GRIN3A: variants seen among roughly 807,000 people sequenced by gnomAD.
GRIN3A encodes the protein glutamate receptor ionotropic, NMDA 3A.
Under a neutral mutation model 92.4 loss-of-function variants are expected in GRIN3A, and 47 were observed. The ratio of observed to expected loss-of-function variants is 0.51; its 90% CI spans 0.40 to 0.65. GRIN3A has a LOEUF of 0.65. Among genes scored for constraint, GRIN3A ranks in the 30% least tolerant of loss-of-function variants. GRIN3A has a pLI of 0.00. For synonymous variants in GRIN3A, 527 were observed against 540.6 expected, an observed-to-expected ratio of 0.97 and a Z score of 0.35; for missense variants, 1,324 against 1,393.1, an observed-to-expected ratio of 0.95 and a Z score of 0.79.
intron 5 of GRIN3A, among the ~76,000 whole-genome samples, chr9:101,614,150 C>A (rs1170191690): frequency 6.6e-6 from 1 of 152,058 alleles, no homozygotes; most frequent in African/African-American, 2.4e-5. Context: ...TTATATATTG[C>A]TTGCTGTAAT....
At chr9:101,580,857 A>G (rs373040852) in intron 6 of GRIN3A, among the ~76,000 whole-genome samples, 4 of 152,210 alleles carry the variant, frequency 2.6e-5, no homozygotes, top group African/African-American at 4.8e-5. Flanking sequence ...ACTGCTATAT[A>G]CCAAAACAGC....
At chr9:101,609,438 A>G (rs1356997281) in intron 6 of GRIN3A, among the ~76,000 whole-genome samples, 2 of 152,210 alleles carry the variant, frequency 1.3e-5, no homozygotes, top group African/African-American at 4.8e-5. Flanking sequence ...CCATTCATAG[A>G]TGAGGAGACT....
In GRIN3A at chr9:101,666,697, C is replaced by A. The variant is rs565037269; in HGVS notation, c.2352+3363G>T. 5.3e-5 allele frequency among the ~76,000 whole-genome samples: 8 copies of A among 152,120 alleles called. 1 individual carries two copies. In the South Asian group the frequency reaches 6.2e-4, roughly 12 times the overall value. On this transcript the variant is annotated intron_variant, in intron 3 of 8. Transcript: ENST00000361820. ...TGAACTGACTACCATATTTTCTAGC[C>A]CGTGAACTGCTGTTTCTGTGCTTCC...
At chr9:101,736,223 C>G (rs1481205183) in intron 1 of GRIN3A, among the ~76,000 whole-genome samples, 1 of 152,180 alleles carries the variant, frequency 6.6e-6, no homozygotes, top group Admixed American at 6.5e-5. Flanking sequence ...GATCAAGTCC[C>G]CAGACTTTTC....
intron 3 of GRIN3A, among the ~76,000 whole-genome samples, chr9:101,644,290 T>C (rs1828904438): frequency 6.6e-6 from 1 of 151,894 alleles, no homozygotes; most frequent in Admixed American, 6.6e-5. Context: ...TTCTTAGAAT[T>C]ATAGAATGTT....
rs1242328719 is a variant in GRIN3A, at chr9:101,738,056, C to T, written c.-77G>A. On this transcript the variant is annotated 5_prime_UTR_variant, in exon 1 of 9. Coordinates refer to ENST00000361820, the MANE Select transcript of GRIN3A (RefSeq NM_133445.3). ...CTCTGCAGCCGCTGCCTGAGGTCTC[C>T]GCCTCCAGGTCCCGCGCGCAGCTTC... The T allele has an allele frequency of 3.2e-6, 4 of 1,246,172 alleles. No individual in the cohort carries two copies. Among genetic ancestry groups the T allele is most frequent in the African/African-American group, 3.0e-5 (2 of 67,482 alleles). 77.2% of individuals were successfully genotyped at this position (1,246,172 alleles called of 1,614,324 possible).
intron 1 of GRIN3A, among the ~76,000 whole-genome samples, chr9:101,707,356 T>C (rs999361953): frequency 6.6e-6 from 1 of 152,236 alleles, no homozygotes; most frequent in African/African-American, 2.4e-5. Flanking sequence ...GCTTAAATGA[T>C]AGAATCCAAA....
At chr9:101,677,882 C>A (rs1371219799) in intron 2 of GRIN3A, among the ~76,000 whole-genome samples, 1 of 152,106 alleles carries the variant, frequency 6.6e-6, no homozygotes, top group Non-Finnish European at 1.5e-5. Context: ...TCTTACTATC[C>A]TAAAGTAGAA....
At chr9:101,598,857 T>G (rs1588242702) in intron 6 of GRIN3A, among the ~76,000 whole-genome samples, 1 of 152,170 alleles carries the variant, frequency 6.6e-6, no homozygotes, top group African/African-American at 2.4e-5. Flanking sequence ...AGACCTTCCA[T>G]TGCAGACTTG....
At chr9:101,705,022 G>T (rs187347447) in intron 1 of GRIN3A, among the ~76,000 whole-genome samples, 206 of 152,136 alleles carry the variant, frequency 1.4e-3, no homozygotes, top group African/African-American at 4.6e-3. Flanking sequence ...AAGGAAGGGG[G>T]GGCAGGGAAA....
intron 1 of GRIN3A, among the ~76,000 whole-genome samples, chr9:101,704,532 T>A (rs1204680819): frequency 6.6e-6 from 1 of 152,232 alleles, no homozygotes; most frequent in Admixed American, 6.5e-5. Context: ...GAAACTATAC[T>A]TCGAATTTTG....
intron 6 of GRIN3A, among the ~76,000 whole-genome samples, chr9:101,580,271 C>T (rs1420662315): frequency 2.0e-5 from 3 of 152,086 alleles, no homozygotes; most frequent in Non-Finnish European, 4.4e-5. Flanking sequence ...CTGGCTGCAA[C>T]CCTTTATGAG....
chr9:101,586,652 T>G (rs1827954620), intron 6 of GRIN3A, among the ~76,000 whole-genome samples: 1 of 152,170 alleles, frequency 6.6e-6, no homozygotes, highest in Non-Finnish European at 1.5e-5. Flanking sequence ...GGAAACTGAA[T>G]GCAAAAATTT....
intron 1 of GRIN3A, among the ~76,000 whole-genome samples, chr9:101,709,887 CAG>C (rs1182772134): frequency 1.3e-5 from 2 of 152,278 alleles, no homozygotes; most frequent in Admixed American, 6.5e-5. Flanking sequence ...ATGAAAGACT[CAG>C]AGAATGATAG....
chr9:101,620,575 A>G (rs1274024621), intron 5 of GRIN3A, among the ~76,000 whole-genome samples: 1 of 150,642 alleles, frequency 6.6e-6, no homozygotes, highest in African/African-American at 2.5e-5. Flanking sequence ...TTGGGAAAGT[A>G]TAAGTACAAG....
intron 1 of GRIN3A, among the ~76,000 whole-genome samples, chr9:101,711,307 C>T (rs138734495): frequency 2.5e-3 from 381 of 152,262 alleles, no homozygotes; most frequent in Admixed American, 6.1e-3. Context: ...GCATACAGCC[C>T]GGATTCACTG....
intron 3 of GRIN3A, among the ~76,000 whole-genome samples, chr9:101,647,732 T>C (rs931417257): frequency 1.3e-5 from 2 of 151,930 alleles, no homozygotes; most frequent in Non-Finnish European, 2.9e-5. Context: ...GTAGGTTGCA[T>C]ACCTCCAAGA....
chr9:101,733,838 ATAG>A (rs1052167220), intron 1 of GRIN3A, among the ~76,000 whole-genome samples: 2 of 152,170 alleles, frequency 1.3e-5, no homozygotes, highest in African/African-American at 4.8e-5. Context: ...AGTGTTGAAA[ATAG>A]TAGTGGGATC....
chr9:101,582,019 G>T (rs1159983389), intron 6 of GRIN3A, among the ~76,000 whole-genome samples: 1 of 152,166 alleles, frequency 6.6e-6, no homozygotes, highest in Non-Finnish European at 1.5e-5. Context: ...AGGTCACATA[G>T]CTCGTGAAGG....
Sources: allele counts gnomAD v4.1 joint callset (sites outside exome capture counted in the v4.1 genomes callset), GRCh38; gene constraint gnomAD v4.1.1; transcripts MANE v1.5; gene names NCBI Gene and HGNC (gene_info 2026-07-23, HGNC 2026-07-21).